The following PAX7 variants were observed in gnomAD, a reference collection of about 807,000 sequenced individuals.
The protein encoded by PAX7 is paired box protein Pax-7.
In PAX7, 18 loss-of-function variants were observed where a neutral mutation model predicts 50.7. That is an observed-to-expected ratio of 0.36 (90% CI 0.25 to 0.53). The LOEUF is 0.53. PAX7 is among the 20% of genes least tolerant of loss of function. The pLI is 0.93. For synonymous variants in PAX7, 310 were observed against 290.4 expected, an observed-to-expected ratio of 1.07 and a Z score of -0.69; for missense variants, 644 against 702.9, an observed-to-expected ratio of 0.92 and a Z score of 0.95.
intron 8 of PAX7, among the ~76,000 whole-genome samples, chr1:18,742,356 C>T (rs923753939): frequency 2.0e-5 from 3 of 152,118 alleles, no homozygotes; most frequent in African/African-American, 4.8e-5. Flanking sequence ...CAGGGTTTCA[C>T]GGTGTTAGCC....
At chr1:18,743,389 C>G (rs74741426) in intron 8 of PAX7, among the ~76,000 whole-genome samples, 227 of 152,340 alleles carry the variant, frequency 1.5e-3, no homozygotes, top group Non-Finnish European at 2.8e-3. Context: ...GCCTCATCCT[C>G]AGGCCGTGCG....
At chr1:18,689,548 C>T (rs1211658735) in intron 4 of PAX7, among the ~76,000 whole-genome samples, 5 of 152,162 alleles carry the variant, frequency 3.3e-5, no homozygotes, top group Admixed American at 3.3e-4. Context: ...CGCTGTGTGG[C>T]ATGGCGTCAC....
At chr1:18,713,016 A>G (rs2089375160) in intron 7 of PAX7, among the ~76,000 whole-genome samples, 1 of 152,032 alleles carries the variant, frequency 6.6e-6, no homozygotes, top group Non-Finnish European at 1.5e-5. Flanking sequence ...CAGGAGGCGG[A>G]GGTTGCAATG....
At chr1:18,642,954 G>A (rs1288576359) in intron 4 of PAX7, among the ~76,000 whole-genome samples, 1 of 151,792 alleles carries the variant, frequency 6.6e-6, no homozygotes, top group East Asian at 1.9e-4. Context: ...CGGGGTCGAG[G>A]GCAAAGGGGA....
chr1:18,660,598 G>C (rs980737004), intron 4 of PAX7, among the ~76,000 whole-genome samples: 1 of 152,132 alleles, frequency 6.6e-6, no homozygotes, highest in African/African-American at 2.4e-5. Context: ...CCCCTAGGAA[G>C]GGCTGTGACC....
intron 5 of PAX7, among the ~76,000 whole-genome samples, chr1:18,695,191 G>T (rs901165028): frequency 6.8e-6 from 1 of 146,620 alleles, no homozygotes; most frequent in African/African-American, 2.5e-5. Flanking sequence ...TTGCTCTGAG[G>T]ATTAAATGAT....
At chr1:18,659,421 C>G (rs531881547) in intron 4 of PAX7, among the ~76,000 whole-genome samples, 11 of 152,304 alleles carry the variant, frequency 7.2e-5, no homozygotes, top group Admixed American at 7.2e-4. Context: ...TCCCTCTCTC[C>G]CAATCCCACA....
At position 18,631,163 on chromosome 1, in the gene PAX7, A is replaced by G. The variant is rs1045603120; in HGVS notation, c.-441A>G. 8.5e-6 allele frequency: 2 copies of G among 234,800 alleles called. No homozygotes were observed. The highest frequency in any genetic ancestry group is 5.6e-5 in the Admixed American group (1 of 17,968). 14.5% of individuals were successfully genotyped at this position (234,800 alleles called of 1,614,324 possible). On this transcript the variant is annotated 5_prime_UTR_variant, in exon 1 of 9. Coordinates refer to ENST00000420770, the MANE Select transcript of PAX7 (RefSeq NM_001135254.2). ...CGGAAACTTTGGCCCCGAGCGCCAG[A>G]GCGCCAGAGCGCGAGAGCGCGGCGC...
chr1:18,661,845 CA>C (rs1000452654), intron 4 of PAX7, among the ~76,000 whole-genome samples: 2 of 152,314 alleles, frequency 1.3e-5, no homozygotes, highest in Non-Finnish European at 1.5e-5. Context: ...CTTCCAGTGA[CA>C]GGGGGTGGGC....
At chr1:18,659,820 C>T (rs1470628493) in intron 4 of PAX7, among the ~76,000 whole-genome samples, 1 of 152,118 alleles carries the variant, frequency 6.6e-6, no homozygotes, top group Non-Finnish European at 1.5e-5. Flanking sequence ...TACCCCCTGG[C>T]GTGTAAGGAT....
chr1:18,744,415 G>C (rs963942031), intron 8 of PAX7, among the ~76,000 whole-genome samples: 2 of 151,152 alleles, frequency 1.3e-5, no homozygotes, highest in Non-Finnish European at 2.9e-5. Context: ...TTCATGAAGA[G>C]ATGGATAGAT....
At chr1:18,724,916 A>G (rs186010486) in intron 7 of PAX7, among the ~76,000 whole-genome samples, 41 of 152,322 alleles carry the variant, frequency 2.7e-4, no homozygotes, top group African/African-American at 9.6e-4. Flanking sequence ...CGAAGGCAAT[A>G]CACATCCTCA....
At chr1:18,658,749 T>C (rs2088559412) in intron 4 of PAX7, among the ~76,000 whole-genome samples, 1 of 152,230 alleles carries the variant, frequency 6.6e-6, no homozygotes. Flanking sequence ...GGTAGAAGCC[T>C]GACCCCAAGG....
intron 8 of PAX7, among the ~76,000 whole-genome samples, chr1:18,742,358 G>A (rs1931195726): frequency 6.6e-6 from 1 of 151,982 alleles, no homozygotes; most frequent in Admixed American, 6.6e-5. Context: ...GGGTTTCACG[G>A]TGTTAGCCAG....
chr1:18,655,422 G>T (rs1395787913), intron 4 of PAX7, among the ~76,000 whole-genome samples: 4 of 152,330 alleles, frequency 2.6e-5, no homozygotes, highest in South Asian at 2.1e-4. Flanking sequence ...GCCGAAGGGG[G>T]CCAACCGGGA....
At chr1:18,662,778 T>C (rs1339861295) in intron 4 of PAX7, among the ~76,000 whole-genome samples, 1 of 152,164 alleles carries the variant, frequency 6.6e-6, no homozygotes, top group East Asian at 1.9e-4. Context: ...TTCACCATGT[T>C]GGCCAGGATG....
At position 18,635,766 on chromosome 1, in the gene PAX7, T is replaced by A. The variant is rs1320151487; in HGVS notation, c.452-471T>A. 3.9e-5 allele frequency among the ~76,000 whole-genome samples: 6 copies of A among 151,970 alleles called. No homozygotes were observed. The East Asian group carries it at 9.7e-4, about 25-fold the overall frequency. ...GCCATTTGAGTCCTAAATTTGGAGG[T>A]CCCAAACCATACTGCCTGTGAGAGA... On this transcript the variant is annotated intron_variant, in intron 3 of 8. Coordinates refer to ENST00000420770, the MANE Select transcript of PAX7 (RefSeq NM_001135254.2).
chr1:18,698,450 T>TC lies in PAX7; in HGVS notation c.787-2197dup, dbSNP rs543739902. Among the ~76,000 whole-genome samples the TC allele has an allele frequency of 9.2e-5, 14 of 152,094 alleles. No individual in the cohort carries two copies. The East Asian group carries it at 2.7e-3, about 29-fold the overall frequency. The stretch of plus-strand genomic sequence containing the variant: ...ATTAGCACCAAACTGAGACCCCTCT[T>TC]CCCCCCTTCTCCATGCCCAGGAGGC... On this transcript the variant is annotated intron_variant, in intron 5 of 8. Coordinates refer to ENST00000420770, the MANE Select transcript of PAX7 (RefSeq NM_001135254.2).
chr1:18,740,086 T>C (rs1931040359), intron 8 of PAX7, among the ~76,000 whole-genome samples: 1 of 152,090 alleles, frequency 6.6e-6, no homozygotes, highest in Non-Finnish European at 1.5e-5. Flanking sequence ...TTGAGACATT[T>C]AGAGCCCAGC....
Sources: gnomAD v4.1 joint callset for allele counts (sites outside exome capture counted in the v4.1 genomes callset) on GRCh38, gnomAD v4.1.1 for gene constraint, MANE v1.5 for transcripts, NCBI Gene and HGNC (gene_info 2026-07-23, HGNC 2026-07-21) for gene names.